FAM135B: variants seen among roughly 807,000 people sequenced by gnomAD.
FAM135B encodes family with sequence similarity 135 member B.
FAM135B carries 43 observed loss-of-function variants against 127.7 expected under a neutral mutation model. That is an observed-to-expected ratio of 0.34 (90% CI 0.26 to 0.43). The LOEUF (loss-of-function observed/expected upper bound fraction) is 0.43, where lower values mean the gene tolerates loss of function less well. Ranked by LOEUF, FAM135B falls within the 20% of genes least tolerant of loss-of-function variation. The probability of loss-of-function intolerance (pLI) is 1.00; values close to 1 mark genes in which losing one functional copy is unlikely to be tolerated. For synonymous variants in FAM135B, 670 were observed against 665.1 expected (o/e 1.01, Z -0.11); for missense variants, 1,558 against 1,725.6 (o/e 0.90, Z 1.72).
intron 1 of FAM135B, among the ~76,000 whole-genome samples, chr8:138,444,242 C>CG (rs1835974164): frequency 6.6e-6 from 1 of 152,076 alleles, no homozygotes; most frequent in Non-Finnish European, 1.5e-5. Context: ...GACAGGTCAA[C>CG]GAGACAGAAA....
chr8:138,329,211 T>A (rs528842287), intron 2 of FAM135B, among the ~76,000 whole-genome samples: 1 of 151,980 alleles, frequency 6.6e-6, no homozygotes, highest in Non-Finnish European at 1.5e-5. Flanking sequence ...TAGAGAGAAA[T>A]GGAGAGAGAG....
At chr8:138,330,338 G>A (rs1007594859) in intron 2 of FAM135B, among the ~76,000 whole-genome samples, 8 of 151,998 alleles carry the variant, frequency 5.3e-5, no homozygotes, top group South Asian at 2.1e-4. Context: ...TTTGAGTACC[G>A]GGAAAAGCAA....
chr8:138,414,816 G>C (rs140388830), intron 1 of FAM135B, among the ~76,000 whole-genome samples: 49 of 152,206 alleles, frequency 3.2e-4, no homozygotes, highest in South Asian at 1.0e-3. Context: ...ACCTGGCTGA[G>C]TGTCCTAATT....
At chr8:138,457,081 C>G (rs1368630153) in intron 1 of FAM135B, among the ~76,000 whole-genome samples, 1 of 135,172 alleles carries the variant, frequency 7.4e-6, no homozygotes, top group African/African-American at 2.6e-5. Context: ...AAATAATAGG[C>G]AAAATGCCTC....
At chr8:138,443,002 C>G (rs1297784261) in intron 1 of FAM135B, among the ~76,000 whole-genome samples, 1 of 152,082 alleles carries the variant, frequency 6.6e-6, no homozygotes, top group Non-Finnish European at 1.5e-5. Flanking sequence ...GGGATTACAA[C>G]CCCAGTGAGG....
chr8:138,159,935 T>G (rs929139998), intron 12 of FAM135B, among the ~76,000 whole-genome samples: 5 of 152,134 alleles, frequency 3.3e-5, no homozygotes, highest in Non-Finnish European at 5.9e-5. Flanking sequence ...TAGTTCAGGA[T>G]AGAGGTTGGC....
Position 138,443,306 on chromosome 8 carries a change from T to C in FAM135B, c.-20+53365A>G, listed in dbSNP as rs138015310. ...ATCCATTCAAATATTCTTTTCTTTT[T>C]CTCTTTTTCTTTCTTTTTACCAGAT... On this transcript the variant is annotated intron_variant, in intron 1 of 19. Transcript: ENST00000395297. Among the ~76,000 whole-genome samples, 132 of 152,310 alleles carry C rather than the reference T, an allele frequency of 8.7e-4. 1 individual carries two copies. The highest frequency in any genetic ancestry group is 3.0e-3 in the African/African-American group (126 of 41,568).
chr8:138,197,474 A>G (rs372994698), intron 8 of FAM135B, 42 bp downstream of exon 8: 126 of 1,592,872 alleles, frequency 7.9e-5, no homozygotes, highest in Non-Finnish European at 1.0e-4. Flanking sequence ...GAGGAGGCAC[A>G]TGAGCTGCTG....
At chr8:138,418,394 C>T (rs545090560) in intron 1 of FAM135B, among the ~76,000 whole-genome samples, 179 of 152,074 alleles carry the variant, frequency 1.2e-3, no homozygotes, top group African/African-American at 4.0e-3. Flanking sequence ...ATAAAATTTC[C>T]CCAACCTTAC....
rs1414455100 is a variant in FAM135B at position 138,148,638 on chromosome 8, T to C, written c.3330A>G (p.Gly1110=). The C allele has an allele frequency of 6.2e-7, 1 of 1,609,740 alleles. No homozygotes were observed. The highest frequency in any genetic ancestry group is 8.5e-7 in the Non-Finnish European group (1 of 1,177,986). The change falls in exon 14 of 20, where the codon GGA becomes GGG. Residue 1110 remains glycine (G), a synonymous_variant. Coordinates refer to ENST00000395297, the MANE Select transcript of FAM135B (RefSeq NM_015912.4). ...EKFKKELKIE[G]FLYSDLTVLA... is the part of the protein sequence containing the mutation. ...GTACAGTTAAGTCACTGTACAGAAA[T>C]CCTTCAATCTTCAGTTCTTTTTTAA... is the stretch of plus-strand genomic sequence containing the variant.
chr8:138,145,870 T>G, intron 15 of FAM135B, 89 bp downstream of exon 15: 1 of 727,110 alleles, frequency 1.4e-6, no homozygotes, highest in Middle Eastern at 3.3e-4. Flanking sequence ...CCTATCTGTG[T>G]GTGTCCATAA....
At position 138,152,532 on chromosome 8, in the gene FAM135B, A is replaced by T. The variant is rs2130772963; in HGVS notation, c.1943T>A (p.Leu648Gln). The T allele has an allele frequency of 1.2e-6, 2 of 1,614,176 alleles. No individual in the cohort carries two copies. The highest frequency in any genetic ancestry group is 1.7e-6 in the Non-Finnish European group (2 of 1,180,026). Residue 648 changes from leucine (L) to glutamine (Q), a missense_variant, in exon 13 of 20, where the codon CTG becomes CAG. Transcript: ENST00000395297. ...AGACCTAATATCTAAGGGCTCCCTC[A>T]GGGTAGAACTTAGTGGATCACAGGG... Reference protein sequence around the residue: ...SEPCDPLSSTLREPLDIRSSL... With the variant: ...SEPCDPLSSTQREPLDIRSSL...
rs142028581 is a variant in FAM135B at position 138,462,240 on chromosome 8, A to T, written c.-20+34431T>A. 1.3e-3 allele frequency among the ~76,000 whole-genome samples: 194 copies of T among 152,136 alleles called. 1 individual carries two copies. The East Asian group carries it at 0.032, about 25-fold the overall frequency. The stretch of plus-strand genomic sequence containing the variant: ...ACTTGTTTTCTTTCTCTTTCTACTG[A>T]TTTCTACTTGTCATATACCAAAGGC... On this transcript the variant is annotated intron_variant, in intron 1 of 19. Transcript: ENST00000395297.
At chr8:138,318,106 T>C (rs912523881) in intron 2 of FAM135B, among the ~76,000 whole-genome samples, 2 of 152,318 alleles carry the variant, frequency 1.3e-5, no homozygotes, top group Admixed American at 6.5e-5. Flanking sequence ...GCGGCAGCCA[T>C]GGCCACAACG....
At chr8:138,446,092 T>C (rs1323666469) in intron 1 of FAM135B, among the ~76,000 whole-genome samples, 1 of 152,074 alleles carries the variant, frequency 6.6e-6, no homozygotes, top group Non-Finnish European at 1.5e-5. Flanking sequence ...GAATCCAACT[T>C]ACAACGGATG....
At chr8:138,258,092 A>G (rs1298254367) in intron 4 of FAM135B, among the ~76,000 whole-genome samples, 1 of 152,168 alleles carries the variant, frequency 6.6e-6, no homozygotes, top group Non-Finnish European at 1.5e-5. Context: ...TAATCCTTAT[A>G]TGATTAAGAG....
chr8:138,184,431 G>A (rs1815363779), intron 9 of FAM135B, among the ~76,000 whole-genome samples: 1 of 152,196 alleles, frequency 6.6e-6, no homozygotes, highest in African/African-American at 2.4e-5. Context: ...ATGGGAGGAT[G>A]TGCGACGCAA....
intron 7 of FAM135B, among the ~76,000 whole-genome samples, chr8:138,201,267 A>G (rs1817096973): frequency 6.6e-6 from 1 of 152,214 alleles, no homozygotes; most frequent in Non-Finnish European, 1.5e-5. Context: ...TAAAGGTAGC[A>G]AGGAATCTAT....
intron 1 of FAM135B, among the ~76,000 whole-genome samples, chr8:138,484,529 C>T (rs1285040394): frequency 6.6e-6 from 1 of 152,050 alleles, no homozygotes; most frequent in East Asian, 1.9e-4. Flanking sequence ...TTTTTTAGGG[C>T]TAATGATGGC....
Sources: gnomAD v4.1 joint callset for allele counts (sites outside exome capture counted in the v4.1 genomes callset) on GRCh38, gnomAD v4.1.1 for gene constraint, MANE v1.5 for transcripts, NCBI Gene and HGNC (gene_info 2026-07-23, HGNC 2026-07-21) for gene names.